HMOX1: variants seen among roughly 807,000 people sequenced by gnomAD.
HMOX1 encodes heat shock protein, 32-kD.
A neutral mutation model predicts 27.8 loss-of-function variants in HMOX1; 22 were observed. That is an observed-to-expected ratio of 0.79 (90% confidence interval 0.57 to 1.13). The LOEUF (loss-of-function observed/expected upper bound fraction) is 1.13. HMOX1 is among the 50% of genes most tolerant of loss of function. The pLI, the probability that HMOX1 is intolerant of heterozygous loss-of-function variation, is 0.00. For missense variants in HMOX1, 379 were observed against 377.7 expected, an observed-to-expected ratio of 1.00 and a Z score of -0.03; for synonymous variants, 153 against 151.6, an observed-to-expected ratio of 1.01 and a Z score of -0.07.
In HMOX1 at chr22:35,393,934, G is replaced by C. The variant is rs769322032; in HGVS notation, c.*336G>C. On this transcript the variant is annotated 3_prime_UTR_variant, in exon 5 of 5. Coordinates refer to ENST00000216117, the MANE Select transcript of HMOX1 (RefSeq NM_002133.3). ...AAAGCCCTGAGTTTCAAGTATCCTT[G>C]TTGACACGGCCATGACCACTTTCCC... 1.1e-5 allele frequency: 4 copies of C among 367,668 alleles called. No individual in the cohort carries two copies. The highest frequency in any genetic ancestry group is 2.1e-5 in the Non-Finnish European group (4 of 189,124). The allele number at this position is 367,668 out of a possible 1,614,324, so 22.8% of individuals were successfully genotyped here. A position where few individuals can be genotyped will look rare whatever the true frequency, so the allele number is the denominator to read the frequency against.
intron 4 of HMOX1, among the ~76,000 whole-genome samples, chr22:35,391,569 G>A (rs543504251): frequency 9.5e-5 from 14 of 146,810 alleles, no homozygotes; most frequent in East Asian, 4.1e-4. Flanking sequence ...TTACAGGTGT[G>A]AGCCACCGCG....
chr22:35,393,419 C>G, intron 4 of HMOX1, 49 bp from the exon 5 acceptor site: 1 of 1,612,546 alleles, frequency 6.2e-7, no homozygotes, highest in Non-Finnish European at 8.5e-7. Context: ...CATCAGACAC[C>G]CTGATGCACG....
intron 3 of HMOX1, 111 bp downstream of exon 3, chr22:35,387,287 G>C: frequency 3.0e-6 from 4 of 1,312,134 alleles, no homozygotes; most frequent in Non-Finnish European, 4.4e-6. Flanking sequence ...CAGGGAACCA[G>C]AGTTCCAGCA....
Position 35,391,508 on chromosome 22 carries a change from C to T in HMOX1, c.736+1545C>T, listed in dbSNP as rs557630337. ...TTCACTGTGTTAGCCAGGATGGTCT[C>T]GATCTCCTGACCTTGTGATCCGCCC... On this transcript the variant is annotated intron_variant, in intron 4 of 4. Transcript: ENST00000216117. 3.5e-4 allele frequency among the ~76,000 whole-genome samples: 52 copies of T among 150,294 alleles called. No homozygotes were observed. The South Asian group carries it at 6.8e-3, about 20-fold the overall frequency.
At chr22:35,383,326 G>T (rs1273375230) in intron 2 of HMOX1, 100 bp downstream of exon 2, 23 of 1,310,032 alleles carry the variant, frequency 1.8e-5, no homozygotes, top group Non-Finnish European at 5.4e-6. Flanking sequence ...TGAGGGACCA[G>T]ATGGGCATGT....
At chr22:35,392,826 T>C (rs764622987) in intron 4 of HMOX1, among the ~76,000 whole-genome samples, 1 of 151,558 alleles carries the variant, frequency 6.6e-6, no homozygotes, top group African/African-American at 2.4e-5. Flanking sequence ...CAAGCAATTC[T>C]CTGCCTCAGC....
intron 2 of HMOX1, among the ~76,000 whole-genome samples, chr22:35,385,981 A>G (rs937282841): frequency 6.7e-6 from 1 of 148,242 alleles, no homozygotes; most frequent in African/African-American, 2.5e-5. Flanking sequence ...TTTGAGACAG[A>G]ATTTCGCTGT....
chr22:35,389,683 T>C (rs1229763586), intron 3 of HMOX1, among the ~76,000 whole-genome samples, 181 bp from the exon 4 acceptor site: 1 of 151,752 alleles, frequency 6.6e-6, no homozygotes, highest in Admixed American at 6.6e-5. Context: ...ACCCGTGATG[T>C]GCCCATCTTG....
In HMOX1 at chr22:35,389,963, G is replaced by A. The variant is rs529551358; in HGVS notation, c.736G>A (p.Asp246Asn). Residue 246 changes from aspartate (D) to asparagine (N), a missense_variant and splice_region_variant, in exon 4 of 5, where the codon GAT (aspartate) becomes AAT (asparagine). Transcript: ENST00000216117. ...LRQRASNKVQ[D>N]SAPVETPRGK... ...CCAGCGGGCCAGCAACAAAGTGCAA[G>A]GTGAGAGCATCCAGGAAGGGGCACT... 1.9e-6 allele frequency: 3 copies of A among 1,607,008 alleles called. No individual in the cohort carries two copies. The South Asian group carries it at 3.3e-5, about 18-fold the overall frequency.
intron 2 of HMOX1, among the ~76,000 whole-genome samples, chr22:35,385,773 G>A (rs143592920): frequency 2.6e-4 from 39 of 151,708 alleles, no homozygotes; most frequent in African/African-American, 8.7e-4. Flanking sequence ...CTGCCACCAT[G>A]CCTGGCCAAT....
At chr22:35,381,289 C>A in intron 1 of HMOX1, 93 bp downstream of exon 1, 1 of 1,434,972 alleles carries the variant, frequency 7.0e-7, no homozygotes, top group Non-Finnish European at 9.5e-7. Context: ...CACACAGCGA[C>A]AGAGCCCAGG....
chr22:35,385,102 C>T (rs905197912), intron 2 of HMOX1, among the ~76,000 whole-genome samples: 1 of 152,016 alleles, frequency 6.6e-6, no homozygotes, highest in African/African-American at 2.4e-5. Flanking sequence ...TAATGTGTAA[C>T]GGGAGTTAGT....
intron 1 of HMOX1, among the ~76,000 whole-genome samples, chr22:35,382,189 T>A (rs1311278631): frequency 6.6e-6 from 1 of 152,146 alleles, no homozygotes; most frequent in Non-Finnish European, 1.5e-5. Context: ...CTGTACCTCC[T>A]CCTCCTCTCC....
intron 1 of HMOX1, among the ~76,000 whole-genome samples, chr22:35,382,878 G>A (rs970475304): frequency 1.1e-4 from 16 of 150,934 alleles, no homozygotes; most frequent in Non-Finnish European, 1.5e-5. Context: ...GGCTGGTCTC[G>A]AACTCCTGAC....
chr22:35,393,511 C>T lies in HMOX1; in HGVS notation c.780C>T (p.Asn260=), dbSNP rs769237502. 7 of 1,614,258 alleles carry T rather than the reference C, an allele frequency of 4.3e-6. No individual in the cohort carries two copies. The highest frequency in any genetic ancestry group is 5.9e-6 in the Non-Finnish European group (7 of 1,180,040). Residue 260 remains asparagine (N), a synonymous_variant, in exon 5 of 5, where the codon AAC becomes AAT. Coordinates refer to ENST00000216117, the MANE Select transcript of HMOX1 (RefSeq NM_002133.3). ...CTCCCAGAGGGAAGCCCCCACTCAA[C>T]ACCCGCTCCCAGGCTCCGCTTCTCC... is the stretch of plus-strand genomic sequence containing the variant. The part of the protein sequence containing the change: ...VETPRGKPPL[N]TRSQAPLLRW...
At chr22:35,387,303 A>C in intron 3 of HMOX1, 127 bp downstream of exon 3, 1 of 1,102,706 alleles carries the variant, frequency 9.1e-7, no homozygotes. Flanking sequence ...CAGCACTGCC[A>C]CTTACTAGCT....
chr22:35,386,804 CCTGG>C lies in HMOX1; in HGVS notation c.265_268del (p.Leu89SerfsTer26), dbSNP rs1931518755. ...CAGAAGAGCTGCACCGCAAGGCTGC[CCTGG>C]AGCAGGACCTGGCCTTCTGGTACGG... On this transcript the variant is annotated frameshift_variant, in exon 3 of 5. Transcript: ENST00000216117. LOFTEE classifies it high-confidence loss of function. The C allele has an allele frequency of 6.8e-6, 11 of 1,614,102 alleles. No individual in the cohort carries two copies. Among genetic ancestry groups the C allele is most frequent in the Non-Finnish European group, 7.6e-6 (9 of 1,180,046 alleles).
At chr22:35,391,530 G>A (rs1166795877) in intron 4 of HMOX1, among the ~76,000 whole-genome samples, 4 of 146,956 alleles carry the variant, frequency 2.7e-5, no homozygotes, top group East Asian at 4.0e-4. Context: ...CTTGTGATCC[G>A]CCCGCCTCGG....
At chr22:35,383,374 C>G (rs1931430388) in intron 2 of HMOX1, 148 bp downstream of exon 2, 4 of 942,882 alleles carry the variant, frequency 4.2e-6, no homozygotes, top group Non-Finnish European at 6.4e-6. Context: ...CACTGAGGCT[C>G]AGAGAGGGAA....
Sources: gnomAD v4.1 joint callset for allele counts (sites outside exome capture counted in the v4.1 genomes callset) on GRCh38, gnomAD v4.1.1 for gene constraint, MANE v1.5 for transcripts, NCBI Gene and HGNC (gene_info 2026-07-23, HGNC 2026-07-21) for gene names.